The following ZNF385D variants were observed in gnomAD, a reference collection of about 807,000 sequenced individuals.
The protein encoded by ZNF385D is zinc finger protein 659.
ZNF385D carries 15 observed loss-of-function variants against 35.8 expected under a neutral mutation model. The observed-to-expected ratio is 0.42, with a 90% CI of 0.28 to 0.64. The LOEUF (loss-of-function observed/expected upper bound fraction) is 0.64. Ranked by LOEUF, ZNF385D falls within the 30% of genes least tolerant of loss-of-function variation. The pLI is 0.23. For missense variants in ZNF385D, 474 were observed against 494.6 expected, an observed-to-expected ratio of 0.96 and a Z score of 0.39; for synonymous variants, 212 against 186.8, an observed-to-expected ratio of 1.13 and a Z score of -1.10.
chr3:21,946,598 G>C (rs34025961), intron 3 of ZNF385D, among the ~76,000 whole-genome samples: 3 of 151,782 alleles, frequency 2.0e-5, no homozygotes, highest in Non-Finnish European at 4.4e-5. Flanking sequence ...TTGGGAGGCT[G>C]AGGCAAGTGG....
chr3:21,509,471 A>T (rs1336747981), intron 4 of ZNF385D, among the ~76,000 whole-genome samples: 1 of 152,130 alleles, frequency 6.6e-6, no homozygotes, highest in East Asian at 1.9e-4. Context: ...ATTATTAGAG[A>T]AAAGACCAAA....
intron 2 of ZNF385D, among the ~76,000 whole-genome samples, chr3:21,611,903 G>A (rs368835651): frequency 9.9e-5 from 15 of 152,090 alleles, no homozygotes; most frequent in Admixed American, 4.6e-4. Context: ...TATTTTGCTT[G>A]TTGTACCTCA....
chr3:21,534,084 A>G (rs1340092743), intron 3 of ZNF385D, among the ~76,000 whole-genome samples: 1 of 152,052 alleles, frequency 6.6e-6, no homozygotes, highest in African/African-American at 2.4e-5. Flanking sequence ...CTTATATGGC[A>G]GTATAATCAT....
chr3:21,526,890 A>G (rs941393507), intron 3 of ZNF385D, among the ~76,000 whole-genome samples: 2 of 152,224 alleles, frequency 1.3e-5, no homozygotes, highest in African/African-American at 4.8e-5. Context: ...TATCTTATTT[A>G]GTACTACTAA....
chr3:22,026,644 C>A (rs771729849), intron 3 of ZNF385D, among the ~76,000 whole-genome samples: 11 of 152,216 alleles, frequency 7.2e-5, no homozygotes, highest in Non-Finnish European at 1.5e-4. Flanking sequence ...ACATATTTAG[C>A]AGCTGGCAGA....
chr3:21,995,683 G>C (rs1695419412), intron 3 of ZNF385D, among the ~76,000 whole-genome samples: 1 of 151,852 alleles, frequency 6.6e-6, no homozygotes, highest in South Asian at 2.1e-4. Context: ...TCAAGCAGTG[G>C]CGGTTACAGT....
chr3:21,932,166 CAAAAAA>C (rs543138588), intron 3 of ZNF385D, among the ~76,000 whole-genome samples: 2 of 55,338 alleles, frequency 3.6e-5, no homozygotes, highest in Admixed American at 2.9e-4. Context: ...GACTCATTCT[CAAAAAA>C]AAAAAAAAAA....
intron 3 of ZNF385D, among the ~76,000 whole-genome samples, chr3:21,908,233 G>A (rs1377422432): frequency 6.6e-6 from 1 of 151,774 alleles, no homozygotes; most frequent in South Asian, 2.1e-4. Context: ...TCCAAGGAAT[G>A]AGTAGAAAAT....
In ZNF385D at chr3:22,116,405, T is replaced by C. The variant is rs1342266966; in HGVS notation, c.325+52412A>G. The stretch of plus-strand genomic sequence containing the variant: ...TCCAATTCAAGAACTACTCAGATTA[T>C]TTTGTTCATTACCTGCATGAATGAA... On this transcript the variant is annotated intron_variant, in intron 3 of 5. Coordinates refer to the ZNF385D transcript ENST00000494108. 2.6e-5 allele frequency among the ~76,000 whole-genome samples: 4 copies of C among 152,056 alleles called. No homozygotes were observed. The South Asian group carries it at 6.2e-4, about 24-fold the overall frequency.
intron 2 of ZNF385D, among the ~76,000 whole-genome samples, chr3:22,186,893 C>G (rs1695671488): frequency 6.6e-6 from 1 of 152,084 alleles, no homozygotes; most frequent in Non-Finnish European, 1.5e-5. Context: ...ATTATAAACA[C>G]TTAAATAATG....
intron 2 of ZNF385D, among the ~76,000 whole-genome samples, chr3:22,325,994 T>C (rs547270129): frequency 6.6e-6 from 1 of 152,180 alleles, no homozygotes; most frequent in African/African-American, 2.4e-5. Context: ...CCATCTTCCC[T>C]TTCTCATAAG....
chr3:21,623,177 T>G (rs1171655376), intron 2 of ZNF385D, among the ~76,000 whole-genome samples: 3 of 152,102 alleles, frequency 2.0e-5, no homozygotes, highest in South Asian at 4.1e-4. Flanking sequence ...CCCACTGGGT[T>G]GTTGTACAAA....
chr3:22,202,486 C>T (rs1696865218), intron 2 of ZNF385D, among the ~76,000 whole-genome samples: 1 of 152,018 alleles, frequency 6.6e-6, no homozygotes, highest in South Asian at 2.1e-4. Flanking sequence ...TGGATGGAGG[C>T]AGAGCAAGAT....
intron 3 of ZNF385D, among the ~76,000 whole-genome samples, chr3:21,903,216 T>C (rs17010039): frequency 0.056 from 8,465 of 152,280 alleles, 404 homozygotes; most frequent in South Asian, 0.21. Context: ...ACATGCTTTC[T>C]AGCCTTAGGG....
intron 3 of ZNF385D, among the ~76,000 whole-genome samples, chr3:21,999,822 T>A (rs1479371984): frequency 6.6e-6 from 1 of 150,864 alleles, no homozygotes; most frequent in African/African-American, 2.4e-5. Context: ...GAAGAAAAAC[T>A]GTGTGATATA....
rs550136582 is a variant in ZNF385D at position 21,863,235 on chromosome 3, CTTTT to C, written c.326-198211_326-198208del. Among the ~76,000 whole-genome samples the C allele has an allele frequency of 3.2e-3, 488 of 152,154 alleles. 3 individuals are homozygous for C. Among genetic ancestry groups the C allele is most frequent in the African/African-American group, 0.011 (471 of 41,550 alleles). ...AAACAATATACTGATAGCTTCATTT[CTTTT>C]ATTTCTTGATTTCATCATTTGTCTC... On this transcript the variant is annotated intron_variant, in intron 3 of 5. Transcript: ENST00000494108.
At chr3:21,963,558 C>A (rs1437852205) in intron 3 of ZNF385D, among the ~76,000 whole-genome samples, 1 of 152,128 alleles carries the variant, frequency 6.6e-6, no homozygotes, top group Admixed American at 6.6e-5. Flanking sequence ...TGAGACCAAT[C>A]AAAACACCGA....
intron 2 of ZNF385D, among the ~76,000 whole-genome samples, chr3:22,365,426 T>C (rs1696610852): frequency 6.6e-6 from 1 of 152,096 alleles, no homozygotes; most frequent in African/African-American, 2.4e-5. Flanking sequence ...GAACATCTCA[T>C]TAGCTGATAT....
intron 3 of ZNF385D, among the ~76,000 whole-genome samples, chr3:22,112,955 C>CACAA (rs1250673561): frequency 1.3e-5 from 2 of 152,064 alleles, no homozygotes; most frequent in African/African-American, 4.8e-5. Flanking sequence ...GAACATGCCT[C>CACAA]ACAAGTATAG....
Sources: gnomAD v4.1 joint callset for allele counts (sites outside exome capture counted in the v4.1 genomes callset) on GRCh38, gnomAD v4.1.1 for gene constraint, MANE v1.5 for transcripts, NCBI Gene and HGNC (gene_info 2026-07-23, HGNC 2026-07-21) for gene names.